TFDP2: variants seen among roughly 807,000 people sequenced by gnomAD.
TFDP2 encodes transcription factor Dp-2 (E2F dimerization partner 2).
Under a neutral mutation model 59.3 loss-of-function variants are expected in TFDP2, and 17 were observed. The ratio of observed to expected loss-of-function variants is 0.29; its 90% CI spans 0.20 to 0.43. The LOEUF (loss-of-function observed/expected upper bound fraction) is 0.43. Ranked by LOEUF, TFDP2 falls within the 20% of genes least tolerant of loss-of-function variation. The probability of loss-of-function intolerance (pLI) is 1.00; values close to 1 mark genes in which losing one functional copy is unlikely to be tolerated. For missense variants in TFDP2, 391 were observed against 528.8 expected, an observed-to-expected ratio of 0.74 and a Z score of 2.56; for synonymous variants, 180 against 194.7, an observed-to-expected ratio of 0.92 and a Z score of 0.63.
intron 3 of TFDP2, among the ~76,000 whole-genome samples, chr3:142,038,254 G>A (rs1448216046): frequency 6.6e-6 from 1 of 151,710 alleles, no homozygotes; most frequent in Non-Finnish European, 1.5e-5. Context: ...AGTAGTGGCG[G>A]AAGCCTGTAG....
intron 11 of TFDP2, among the ~76,000 whole-genome samples, chr3:141,958,530 T>C (rs987415870): frequency 1.3e-5 from 2 of 152,104 alleles, no homozygotes; most frequent in African/African-American, 4.8e-5. Context: ...AGAATGGTTA[T>C]ATTTGAGGGG....
At chr3:141,980,297 A>C (rs1456595116) in intron 6 of TFDP2, among the ~76,000 whole-genome samples, 3 of 152,058 alleles carry the variant, frequency 2.0e-5, no homozygotes, top group Non-Finnish European at 4.4e-5. Context: ...TTATGGAATA[A>C]GGATATAAAG....
At chr3:141,978,348 AAC>A (rs147759999) in intron 7 of TFDP2, among the ~76,000 whole-genome samples, 170 bp downstream of exon 7, 30,792 of 146,540 alleles carry the variant, frequency 0.21, 3,838 homozygotes, top group African/African-American at 0.37. Flanking sequence ...CCGCCTAAAA[AAC>A]AAAAAAAAAG....
intron 1 of TFDP2, among the ~76,000 whole-genome samples, chr3:142,111,538 C>A (rs534825102): frequency 5.5e-4 from 83 of 151,188 alleles, no homozygotes; most frequent in African/African-American, 1.8e-3. Flanking sequence ...GCTGAGCTCA[C>A]CAAAAAAAGA....
chr3:142,134,702 GGAA>G (rs1479748785), intron 1 of TFDP2, among the ~76,000 whole-genome samples: 1 of 151,988 alleles, frequency 6.6e-6, no homozygotes, highest in East Asian at 1.9e-4. Context: ...TATACAAACA[GGAA>G]GAAGTATTAA....
At chr3:142,060,244 G>A (rs1469225865) in intron 3 of TFDP2, among the ~76,000 whole-genome samples, 1 of 152,190 alleles carries the variant, frequency 6.6e-6, no homozygotes, top group African/African-American at 2.4e-5. Flanking sequence ...CTTGCCTCAA[G>A]TGATCCTTCC....
intron 3 of TFDP2, among the ~76,000 whole-genome samples, chr3:142,017,609 GTGGCATGATCT>G (rs1006096018): frequency 3.6e-5 from 5 of 140,290 alleles, no homozygotes; most frequent in Admixed American, 7.8e-5. Flanking sequence ...CTGGAGTGCA[GTGGCATGATCT>G]TGGCTCACTG....
chr3:142,124,902 A>G (rs1043674525), intron 1 of TFDP2, among the ~76,000 whole-genome samples: 1 of 152,226 alleles, frequency 6.6e-6, no homozygotes, highest in Admixed American at 6.5e-5. Context: ...TATATAACAG[A>G]AAACACAAAT....
intron 2 of TFDP2, among the ~76,000 whole-genome samples, chr3:142,100,737 T>C (rs2061294901): frequency 1.3e-5 from 2 of 151,358 alleles, no homozygotes; most frequent in African/African-American, 4.9e-5. Flanking sequence ...TAGATGGAAA[T>C]GCTGAGTGGG....
At chr3:141,992,709 A>T (rs190555132) in intron 6 of TFDP2, among the ~76,000 whole-genome samples, 10 of 152,360 alleles carry the variant, frequency 6.6e-5, no homozygotes, top group African/African-American at 2.4e-4. Context: ...GAACTGAAAC[A>T]GCACTAGTGT....
At chr3:142,067,164 A>G (rs1336898835) in intron 3 of TFDP2, among the ~76,000 whole-genome samples, 1 of 152,178 alleles carries the variant, frequency 6.6e-6, no homozygotes, top group Non-Finnish European at 1.5e-5. Context: ...CAGTGAAATT[A>G]GAAAGCAATT....
intron 3 of TFDP2, among the ~76,000 whole-genome samples, chr3:142,036,896 T>C (rs1337223763): frequency 2.0e-5 from 3 of 152,190 alleles, no homozygotes; most frequent in African/African-American, 4.8e-5. Flanking sequence ...AAAAAACTCA[T>C]GGGGCAGTCT....
Position 142,149,237 on chromosome 3 carries a change from G to A in TFDP2, c.-147C>T, listed in dbSNP as rs940439704. The A allele has an allele frequency of 2.5e-6, 1 of 397,574 alleles. No individual in the cohort carries two copies. Among genetic ancestry groups the A allele is most frequent in the Non-Finnish European group, 4.4e-6 (1 of 225,338 alleles). The allele number at this position is 397,574 out of a possible 1,614,324, so 24.6% of individuals were successfully genotyped here. A position where few individuals can be genotyped will look rare whatever the true frequency, so the allele number is the denominator to read the frequency against. ...AAGCGAGGCTGTCGGGCCGAGCCAG[G>A]AGCGCGTCTTCGGGCGCCGCCGCTT... On this transcript the variant is annotated 5_prime_UTR_variant, in exon 1 of 13. Transcript: ENST00000489671.
chr3:142,089,217 C>T (rs1371006674), intron 3 of TFDP2, among the ~76,000 whole-genome samples: 1 of 151,380 alleles, frequency 6.6e-6, no homozygotes, highest in East Asian at 1.9e-4. Flanking sequence ...TGTGCTTTCA[C>T]CCTCTCTCCT....
intron 11 of TFDP2, among the ~76,000 whole-genome samples, chr3:141,959,189 C>A (rs1323266781): frequency 6.6e-6 from 1 of 152,054 alleles, no homozygotes. Context: ...CTCCCGACCT[C>A]AGGTGATCCA....
intron 3 of TFDP2, 129 bp downstream of exon 3, chr3:142,092,932 G>C (rs1301171249): frequency 3.3e-6 from 2 of 608,798 alleles, no homozygotes; most frequent in African/African-American, 3.8e-5. Flanking sequence ...CACAAGTTAT[G>C]TGGCATGGAA....
At chr3:142,068,141 A>C (rs766203970) in intron 3 of TFDP2, among the ~76,000 whole-genome samples, 1 of 152,112 alleles carries the variant, frequency 6.6e-6, no homozygotes, top group Non-Finnish European at 1.5e-5. Flanking sequence ...ATGGTCAACT[A>C]ATCTCTCACA....
At chr3:142,068,917 T>C (rs756655076) in intron 3 of TFDP2, among the ~76,000 whole-genome samples, 2 of 152,116 alleles carry the variant, frequency 1.3e-5, no homozygotes, top group Non-Finnish European at 2.9e-5. Context: ...TGCACTTTTC[T>C]TTCCTTTTTC....
Position 141,970,186 on chromosome 3 carries a change from T to C in TFDP2, c.664-45A>G, listed in dbSNP as rs11569250. The C allele has an allele frequency of 2.5e-3, 3,964 of 1,567,884 alleles. 99 individuals are homozygous for C. The African/African-American group carries it at 0.047, about 19-fold the overall frequency. On this transcript the variant is annotated intron_variant, in intron 8 of 12. Coordinates refer to ENST00000489671, the MANE Select transcript of TFDP2 (RefSeq NM_001178139.2). ...AAATAATATGAACATAGGTAGACTA[T>C]AAAATATCGTTCACTTTCCAGGTCC...
Sources: gnomAD v4.1 joint callset for allele counts (sites outside exome capture counted in the v4.1 genomes callset) on GRCh38, gnomAD v4.1.1 for gene constraint, MANE v1.5 for transcripts, NCBI Gene and HGNC (gene_info 2026-07-23, HGNC 2026-07-21) for gene names.